Variants in TBCA observed in about 807,000 individuals in gnomAD.
TBCA encodes the protein tubulin-specific chaperone A.
TBCA carries 6 observed loss-of-function variants against 15.8 expected under a neutral mutation model. The ratio of observed to expected loss-of-function variants is 0.38; its 90% confidence interval spans 0.21 to 0.75. TBCA has a LOEUF of 0.75. Among genes scored for constraint, TBCA ranks in the 30% least tolerant of loss-of-function variants. The pLI is 0.46. For synonymous variants in TBCA, 32 were observed against 42.3 expected (o/e 0.76, Z 0.94); for missense variants, 90 against 131.2 (o/e 0.69, Z 1.53).
intron 2 of TBCA, 99 bp downstream of exon 2, chr5:77,708,140 AAAT>A (rs1746190317): frequency 4.0e-6 from 3 of 751,892 alleles, no homozygotes; most frequent in East Asian, 2.8e-5. Context: ...GTAAAGAAGT[AAAT>A]AATAATATAA....
intron 1 of TBCA, among the ~76,000 whole-genome samples, chr5:77,722,568 C>T (rs1746550430): frequency 6.6e-6 from 1 of 151,954 alleles, no homozygotes; most frequent in South Asian, 2.1e-4. Context: ...ATAATCACAG[C>T]TTTTGAGTTA....
chr5:77,761,956 A>C (rs2112508466), intron 1 of TBCA, among the ~76,000 whole-genome samples: 1 of 152,368 alleles, frequency 6.6e-6, no homozygotes, highest in African/African-American at 2.4e-5. Flanking sequence ...TACCCTGTTT[A>C]GATTAGTCTA....
intron 1 of TBCA, among the ~76,000 whole-genome samples, chr5:77,720,550 C>T (rs1321422831): frequency 6.6e-6 from 1 of 151,836 alleles, no homozygotes; most frequent in East Asian, 1.9e-4. Flanking sequence ...CTTGTCTCTA[C>T]TAAAAATATA....
At chr5:77,762,089 T>C (rs1310300975) in intron 1 of TBCA, among the ~76,000 whole-genome samples, 1 of 152,182 alleles carries the variant, frequency 6.6e-6, no homozygotes, top group Non-Finnish European at 1.5e-5. Flanking sequence ...ACACAGGCTA[T>C]GTGCATGTGG....
intron 2 of TBCA, among the ~76,000 whole-genome samples, chr5:77,699,732 A>C (rs1222683260): frequency 2.0e-5 from 3 of 152,124 alleles, no homozygotes; most frequent in African/African-American, 7.2e-5. Flanking sequence ...GATAAATTGG[A>C]CATTCTTGAA....
chr5:77,741,932 A>C (rs1429036794), intron 1 of TBCA, among the ~76,000 whole-genome samples: 1 of 152,180 alleles, frequency 6.6e-6, no homozygotes, highest in African/African-American at 2.4e-5. Flanking sequence ...TCTATTCAGG[A>C]GTCAAATGCT....
intron 1 of TBCA, among the ~76,000 whole-genome samples, chr5:77,726,590 A>C (rs1438399808): frequency 6.6e-6 from 1 of 152,212 alleles, no homozygotes; most frequent in Non-Finnish European, 1.5e-5. Flanking sequence ...TATCCATTCC[A>C]GTGTCAAATA....
Position 77,776,263 on chromosome 5 carries a change from C to T in TBCA, c.-6G>A. 1 of 1,577,866 alleles carries T rather than the reference C, an allele frequency of 6.3e-7. No individual in the cohort carries two copies. The highest frequency in any genetic ancestry group is 1.2e-5 in the South Asian group (1 of 86,084). ...CTCACGCGAGGATCGGCCATGGTCC[C>T]TCGAGCGCCGCGAGAAGGAGGGGCG... On this transcript the variant is annotated 5_prime_UTR_variant, in exon 1 of 4. Transcript: ENST00000380377.
At chr5:77,697,948 G>T (rs949433473) in intron 2 of TBCA, among the ~76,000 whole-genome samples, 2 of 145,886 alleles carry the variant, frequency 1.4e-5, no homozygotes, top group South Asian at 2.2e-4. Flanking sequence ...TGGGCAACAG[G>T]CAAGACCCCA....
chr5:77,746,988 T>C (rs900278905), intron 1 of TBCA, among the ~76,000 whole-genome samples: 2 of 152,156 alleles, frequency 1.3e-5, no homozygotes, highest in Non-Finnish European at 2.9e-5. Flanking sequence ...CAAAGTCTTC[T>C]ACAGCACTTC....
intron 1 of TBCA, among the ~76,000 whole-genome samples, chr5:77,729,695 C>T (rs1269203992): frequency 2.6e-5 from 4 of 152,170 alleles, no homozygotes; most frequent in Admixed American, 2.0e-4. Flanking sequence ...ACAAAAAGTA[C>T]ACTCAGAATT....
At chr5:77,766,386 A>C (rs557336919) in intron 1 of TBCA, among the ~76,000 whole-genome samples, 127 of 152,226 alleles carry the variant, frequency 8.3e-4, no homozygotes, top group African/African-American at 3.0e-3. Context: ...CATATCTTTT[A>C]TATCTCTAAT....
chr5:77,714,572 A>ATTT (rs761180601), intron 1 of TBCA, among the ~76,000 whole-genome samples: 4,951 of 126,838 alleles, frequency 0.039, 238 homozygotes, highest in East Asian at 0.19. Flanking sequence ...TATTATTATT[A>ATTT]TTATTTTTTT....
chr5:77,727,467 A>G (rs1746655226), intron 1 of TBCA, among the ~76,000 whole-genome samples: 1 of 152,144 alleles, frequency 6.6e-6, no homozygotes, highest in African/African-American at 2.4e-5. Context: ...TTCTTTTTAA[A>G]GAGTTATAGG....
intron 3 of TBCA, chr5:77,692,488 A>G: frequency 1.1e-6 from 1 of 932,274 alleles, no homozygotes. Context: ...GGATTTCACC[A>G]TGTTGGTCAG....
At chr5:77,772,133 T>C (rs919924721) in intron 1 of TBCA, among the ~76,000 whole-genome samples, 11 of 150,800 alleles carry the variant, frequency 7.3e-5, no homozygotes, top group Non-Finnish European at 1.3e-4. Context: ...AGCAAGAACA[T>C]GTCTGAATCA....
intron 1 of TBCA, among the ~76,000 whole-genome samples, chr5:77,715,063 G>C (rs533097528): frequency 1.3e-5 from 2 of 152,270 alleles, no homozygotes; most frequent in African/African-American, 2.4e-5. Context: ...TAATACAGAG[G>C]GTTTGCAATT....
chr5:77,691,881 T>G, intron 3 of TBCA: 1 of 995,730 alleles, frequency 1.0e-6, no homozygotes, highest in Non-Finnish European at 1.2e-6. Flanking sequence ...ATGACAGCAT[T>G]CAGGCCAAAA....
Position 77,715,628 on chromosome 5 carries a change from T to C in TBCA, c.54-7281A>G, listed in dbSNP as rs903487053. Among the ~76,000 whole-genome samples, 31 of 152,132 alleles carry C rather than the reference T, an allele frequency of 2.0e-4. 1 individual carries two copies. Among genetic ancestry groups the C allele is most frequent in the Admixed American group, 1.6e-3 (25 of 15,272 alleles). Reference sequence around the variant, plus strand: ...TGGTTATGGTTGTAATATGAAGCAATTGGTGAAAAAGAGAATCCATTTAAC... The same window carrying C: ...TGGTTATGGTTGTAATATGAAGCAACTGGTGAAAAAGAGAATCCATTTAAC... On this transcript the variant is annotated intron_variant, in intron 1 of 3. Coordinates refer to ENST00000380377, the MANE Select transcript of TBCA (RefSeq NM_004607.3).
Sources: allele counts gnomAD v4.1 joint callset (sites outside exome capture counted in the v4.1 genomes callset), GRCh38; gene constraint gnomAD v4.1.1; transcripts MANE v1.5; gene names NCBI Gene and HGNC (gene_info 2026-07-23, HGNC 2026-07-21).